Variants in PIP5K1B observed in about 807,000 individuals in gnomAD.
PIP5K1B encodes phosphatidylinositol 4-phosphate 5-kinase type-1 beta.
In PIP5K1B, 42 loss-of-function variants were observed where a neutral mutation model predicts 67.0. The observed-to-expected ratio is 0.63, with a 90% CI of 0.49 to 0.81. The LOEUF (loss-of-function observed/expected upper bound fraction) is 0.81. PIP5K1B is among the 30% of genes least tolerant of loss of function. The pLI, the probability that PIP5K1B is intolerant of heterozygous loss-of-function variation, is 0.00. For missense variants in PIP5K1B, 459 were observed against 646.3 expected (o/e 0.71, Z 3.14); for synonymous variants, 214 against 231.4 (o/e 0.92, Z 0.68).
chr9:68,967,651 G>C (rs1358184678), intron 14 of PIP5K1B, among the ~76,000 whole-genome samples: 5 of 152,158 alleles, frequency 3.3e-5, no homozygotes, highest in African/African-American at 1.2e-4. Flanking sequence ...GAATCCAGCA[G>C]TTCAGGGAAT....
intron 2 of PIP5K1B, among the ~76,000 whole-genome samples, chr9:68,785,277 T>A (rs554244870): frequency 2.0e-5 from 3 of 152,320 alleles, no homozygotes; most frequent in East Asian, 3.9e-4. Flanking sequence ...AGACCACTTT[T>A]TTCAGGGCTT....
chr9:68,993,325 T>C (rs1210553727), intron 15 of PIP5K1B, among the ~76,000 whole-genome samples: 1 of 152,132 alleles, frequency 6.6e-6, no homozygotes, highest in Non-Finnish European at 1.5e-5. Context: ...TTGGGACTTT[T>C]GTGTTTGCCA....
chr9:68,843,004 A>G (rs569938325), intron 4 of PIP5K1B, among the ~76,000 whole-genome samples: 60 of 152,340 alleles, frequency 3.9e-4, no homozygotes, highest in Admixed American at 1.4e-3. Flanking sequence ...GTTCTCAGTG[A>G]CCAGAGTTAA....
At chr9:68,727,567 CACTT>C (rs1400507387) in intron 1 of PIP5K1B, 17 of 152,272 alleles carry the variant, frequency 1.1e-4, no homozygotes, top group Admixed American at 9.1e-4. Context: ...AAACGCCTGA[CACTT>C]ACTTAGGCTC....
At chr9:68,964,621 G>A (rs980954390) in intron 14 of PIP5K1B, among the ~76,000 whole-genome samples, 3 of 152,190 alleles carry the variant, frequency 2.0e-5, no homozygotes, top group African/African-American at 7.2e-5. Context: ...CAAAACCCAT[G>A]CATGGAAGTT....
chr9:68,806,722 A>G (rs1478602457), intron 2 of PIP5K1B, among the ~76,000 whole-genome samples: 1 of 152,014 alleles, frequency 6.6e-6, no homozygotes, highest in Non-Finnish European at 1.5e-5. Flanking sequence ...CTCATCCATG[A>G]CTTAAGAATG....
At chr9:68,875,259 T>A (rs1823823578) in intron 5 of PIP5K1B, among the ~76,000 whole-genome samples, 1 of 105,312 alleles carries the variant, frequency 9.5e-6, no homozygotes, top group African/African-American at 3.8e-5. Flanking sequence ...TGCTGACCCC[T>A]AACAACACAA....
chr9:68,798,654 G>T (rs1028875363), intron 2 of PIP5K1B, among the ~76,000 whole-genome samples: 1 of 152,116 alleles, frequency 6.6e-6, no homozygotes, highest in Non-Finnish European at 1.5e-5. Flanking sequence ...AGCTAGGCAG[G>T]CAACAGACCA....
chr9:68,923,256 G>A (rs377146535), intron 11 of PIP5K1B, 46 bp from the exon 12 acceptor site: 1 of 1,016,246 alleles, frequency 9.8e-7, no homozygotes, highest in Non-Finnish European at 1.5e-6. Flanking sequence ...GACTTGAGAT[G>A]AACATTAAGA....
intron 2 of PIP5K1B, among the ~76,000 whole-genome samples, chr9:68,744,337 T>G (rs1242124731): frequency 6.6e-6 from 1 of 152,222 alleles, no homozygotes; most frequent in African/African-American, 2.4e-5. Context: ...AACAACTTCA[T>G]CAAGTCTCCC....
rs1257487181 is a variant in PIP5K1B, at chr9:69,008,732, T to C, written c.*283T>C. On this transcript the variant is annotated 3_prime_UTR_variant, in exon 16 of 16. Transcript: ENST00000265382. ...CTTTCTGTACCATTGCCAATCACCT[T>C]TTTGGAGTTGGAAGTGCTATTTTCC... The C allele has an allele frequency of 2.6e-6, 1 of 387,354 alleles. No homozygotes were observed. The highest frequency in any genetic ancestry group is 4.8e-6 in the Non-Finnish European group (1 of 208,708). 24.0% of individuals were successfully genotyped at this position (387,354 alleles called of 1,614,324 possible).
chr9:68,706,857 C>G (rs1012325756), intron 1 of PIP5K1B, among the ~76,000 whole-genome samples: 1 of 151,880 alleles, frequency 6.6e-6, no homozygotes. Flanking sequence ...AGACTTCTCC[C>G]CTGTTCTGCG....
rs546982494 is a variant in PIP5K1B at position 68,767,542 on chromosome 9, C to T, written c.-86+24885C>T. ...CTGGGAGGTGGAAGCTGCAGTGAGC[C>T]GAGACTGCGCCACTGCACTCCAGCC... On this transcript the variant is annotated intron_variant, in intron 2 of 15. Transcript: ENST00000265382. Among the ~76,000 whole-genome samples, 125 of 147,474 alleles carry T rather than the reference C, an allele frequency of 8.5e-4. 1 individual carries two copies. The highest frequency in any genetic ancestry group is 3.5e-3 in the Middle Eastern group (1 of 286).
Position 68,919,379 on chromosome 9 carries a change from T to C in PIP5K1B, c.984-100T>C, listed in dbSNP as rs886216777. 7 of 615,396 alleles carry C rather than the reference T, an allele frequency of 1.1e-5. No homozygotes were observed. The East Asian group carries it at 1.5e-4, about 13-fold the overall frequency. The allele number at this position is 615,396 out of a possible 1,614,324, so 38.1% of individuals were successfully genotyped here. The stretch of plus-strand genomic sequence containing the variant: ...GGAGATAGCCCAGAATTCTTAAAAA[T>C]TGTCAATTTTTATTTTCAGTCTATT... On this transcript the variant is annotated intron_variant, in intron 9 of 15. Transcript: ENST00000265382.
chr9:68,885,715 A>C (rs1824433595), intron 6 of PIP5K1B, among the ~76,000 whole-genome samples: 1 of 152,188 alleles, frequency 6.6e-6, no homozygotes. Context: ...GGGGAATGAC[A>C]AACTGCCTAT....
At chr9:68,829,176 A>G (rs1032992100) in intron 4 of PIP5K1B, among the ~76,000 whole-genome samples, 1 of 152,240 alleles carries the variant, frequency 6.6e-6, no homozygotes, top group Non-Finnish European at 1.5e-5. Context: ...CAGTTCAAAA[A>G]TTGAACAAAT....
chr9:68,900,091 C>T (rs1825285480), intron 8 of PIP5K1B, among the ~76,000 whole-genome samples: 1 of 152,220 alleles, frequency 6.6e-6, no homozygotes, highest in South Asian at 2.1e-4. Context: ...CTGCAAAGGA[C>T]ATGATTTCAT....
At chr9:68,962,586 G>T (rs1417676532) in intron 14 of PIP5K1B, among the ~76,000 whole-genome samples, 1 of 152,100 alleles carries the variant, frequency 6.6e-6, no homozygotes, top group Non-Finnish European at 1.5e-5. Flanking sequence ...TTCTCACATG[G>T]TTCTTTGATT....
rs779439335 is a variant in PIP5K1B, at chr9:68,889,004, A to G, written c.342A>G (p.Leu114=). 42 of 1,610,988 alleles carry G rather than the reference A, an allele frequency of 2.6e-5. No individual in the cohort carries two copies. The Admixed American group carries it at 4.3e-4, about 17-fold the overall frequency. The change falls in exon 7 of 16, where the codon CTA becomes CTG. Residue 114 remains leucine (L), a synonymous_variant. Transcript: ENST00000265382. ...DYLYSICSEP[L]IELSNPGASG... is the part of the protein sequence containing the mutation. ...AGTATTCCATCTGCAGTGAACCTCT[A>G]ATAGAACTGTCTAACCCTGGAGCCA... is the stretch of plus-strand genomic sequence containing the variant.
Sources: gnomAD v4.1 joint callset for allele counts (sites outside exome capture counted in the v4.1 genomes callset) on GRCh38, gnomAD v4.1.1 for gene constraint, MANE v1.5 for transcripts, NCBI Gene and HGNC (gene_info 2026-07-23, HGNC 2026-07-21) for gene names.